The following C1QTNF7 variants were observed in gnomAD, a reference collection of about 807,000 sequenced individuals.
The protein encoded by C1QTNF7 is C1q and TNF related 7.
In C1QTNF7, 15 loss-of-function variants were observed where a neutral mutation model predicts 19.6. That is an observed-to-expected ratio of 0.76 (90% CI 0.51 to 1.18). The LOEUF (loss-of-function observed/expected upper bound fraction) is 1.18. Among genes scored for constraint, C1QTNF7 ranks in the 50% most tolerant of loss-of-function variants. C1QTNF7 has a pLI of 0.00. For missense variants in C1QTNF7, 324 were observed against 359.7 expected (o/e 0.90, Z 0.80); for synonymous variants, 142 against 137.5 (o/e 1.03, Z -0.23).
rs1244346833 is a variant in C1QTNF7, at chr4:15,393,173, C to T, written c.14-42563C>T. On this transcript the variant is annotated intron_variant, in intron 1 of 2. Transcript: ENST00000295297. ...CCCTCTTTTCTGTCTTGTCTGCCGCCATGTAAGACATGCCTTTTGCCTTCC... is the reference window on the plus strand; with the variant it reads ...CCCTCTTTTCTGTCTTGTCTGCCGCTATGTAAGACATGCCTTTTGCCTTCC... 5.3e-5 allele frequency among the ~76,000 whole-genome samples: 8 copies of T among 152,214 alleles called. No homozygotes were observed. In the East Asian group the frequency reaches 1.2e-3, roughly 22 times the overall value.
At chr4:15,355,557 G>A (rs1717113985) in intron 1 of C1QTNF7, among the ~76,000 whole-genome samples, 1 of 151,862 alleles carries the variant, frequency 6.6e-6, no homozygotes, top group Non-Finnish European at 1.5e-5. Context: ...CTTGCTAGTT[G>A]TGTATGTTCT....
At chr4:15,340,048 T>C (rs1440168513) in exon 1 of C1QTNF7, 10 of 974,268 alleles carry the variant, frequency 1.0e-5, no homozygotes, top group Middle Eastern at 2.1e-4. Flanking sequence ...GCACTTTATT[T>C]TTCATCAAGT....
chr4:15,388,816 C>T (rs1270239617), intron 1 of C1QTNF7, among the ~76,000 whole-genome samples: 3 of 152,192 alleles, frequency 2.0e-5, no homozygotes, highest in East Asian at 1.9e-4. Context: ...CTGAAATCTC[C>T]AAGAAATGAG....
At chr4:15,427,162 T>C (rs1225276034), upstream of C1QTNF7, among the ~76,000 whole-genome samples, 2 of 152,206 alleles carry the variant, frequency 1.3e-5, no homozygotes, top group Non-Finnish European at 2.9e-5. Flanking sequence ...AAGTGTGTGG[T>C]CAACATCCAC....
In C1QTNF7 at chr4:15,388,843, G is replaced by A. The variant is rs145155195; in HGVS notation, c.14-46893G>A. On this transcript the variant is annotated intron_variant, in intron 1 of 2. Transcript: ENST00000295297. Reference sequence around the variant, plus strand: ...AGAAATGAGGAAGGTGGTATAATTAGTAGATGGCATCATCCAGGAGGACTA... The same window carrying A: ...AGAAATGAGGAAGGTGGTATAATTAATAGATGGCATCATCCAGGAGGACTA... Among the ~76,000 whole-genome samples, 280 of 152,316 alleles carry A rather than the reference G, an allele frequency of 1.8e-3. 1 individual carries two copies. The highest frequency in any genetic ancestry group is 6.4e-3 in the African/African-American group (266 of 41,588).
Position 15,428,081 on chromosome 4 carries a change from G to T in C1QTNF7, c.-34G>T, listed in dbSNP as rs1712134166. 1.0e-6 allele frequency: 1 copy of T among 985,286 alleles called. No homozygotes were observed. The highest frequency in any genetic ancestry group is 1.2e-6 in the Non-Finnish European group (1 of 829,918). 61.0% of individuals were successfully genotyped at this position (985,286 alleles called of 1,614,324 possible). On this transcript the variant is annotated 5_prime_UTR_variant, in exon 1 of 3. Coordinates refer to ENST00000444304, the MANE Select transcript of C1QTNF7 (RefSeq NM_031911.5). Reference sequence around the variant, plus strand: ...CAGTCTCTTGTGGATTTAGAATCCTGCAGCAGCCCACCATCTAAGAGCAAG... The same window carrying T: ...CAGTCTCTTGTGGATTTAGAATCCTTCAGCAGCCCACCATCTAAGAGCAAG...
Position 15,435,819 on chromosome 4 carries a change from G to A in C1QTNF7, c.76G>A (p.Glu26Lys), listed in dbSNP as rs144739039. Residue 26 changes from glutamate to lysine, a missense_variant, in exon 2 of 3, where the codon GAG becomes AAG. Transcript: ENST00000444304. ...ACCCCGGGGTAATCAGTTGAAAGGA[G>A]AGAACTACTCCCCCAGGTATATCTG... ...GQPRGNQLKG[E>K]NYSPRYICSI... The A allele has an allele frequency of 2.5e-6, 4 of 1,614,116 alleles. No homozygotes were observed. Among genetic ancestry groups the A allele is most frequent in the South Asian group, 1.1e-5 (1 of 91,082 alleles).
At chr4:15,385,043 C>A (rs1327679359) in intron 1 of C1QTNF7, among the ~76,000 whole-genome samples, 3 of 152,226 alleles carry the variant, frequency 2.0e-5, no homozygotes, top group African/African-American at 7.2e-5. Context: ...CTCTCCTTCT[C>A]TTTCTCTCTT....
intron 2 of C1QTNF7, among the ~76,000 whole-genome samples, chr4:15,437,829 T>C (rs1031335694): frequency 1.3e-5 from 2 of 152,218 alleles, no homozygotes; most frequent in East Asian, 3.8e-4. Flanking sequence ...AGCATTCCAC[T>C]AGATGCTAGT....
intron 1 of C1QTNF7, among the ~76,000 whole-genome samples, chr4:15,360,923 T>A (rs1470023121): frequency 6.6e-6 from 1 of 152,200 alleles, no homozygotes; most frequent in Non-Finnish European, 1.5e-5. Flanking sequence ...AGTCAAGTCA[T>A]GTTAGGTAGG....
chr4:15,433,785 G>A (rs987866677), intron 1 of C1QTNF7, among the ~76,000 whole-genome samples: 1 of 152,172 alleles, frequency 6.6e-6, no homozygotes, highest in Non-Finnish European at 1.5e-5. Flanking sequence ...TCCCAGAAAG[G>A]TGGCCCCCTG....
At chr4:15,402,383 T>C (rs183112848) in intron 1 of C1QTNF7, among the ~76,000 whole-genome samples, 1 of 152,360 alleles carries the variant, frequency 6.6e-6, no homozygotes, top group Non-Finnish European at 1.5e-5. Context: ...TGATGAAATC[T>C]AGCATAGCAA....
chr4:15,374,644 A>G (rs779402618), intron 1 of C1QTNF7: 40 of 985,214 alleles, frequency 4.1e-5, no homozygotes, highest in Non-Finnish European at 4.8e-5. Context: ...TTACTTATCA[A>G]TCTGAAGCCC....
At chr4:15,434,799 C>A (rs1014866568) in intron 1 of C1QTNF7, among the ~76,000 whole-genome samples, 1 of 152,180 alleles carries the variant, frequency 6.6e-6, no homozygotes, top group Non-Finnish European at 1.5e-5. Flanking sequence ...TCACTTGGGG[C>A]ACAGGCACCA....
intron 1 of C1QTNF7, among the ~76,000 whole-genome samples, chr4:15,345,514 G>A (rs561809508): frequency 6.6e-6 from 1 of 152,130 alleles, no homozygotes; most frequent in East Asian, 1.9e-4. Context: ...ATACTCTTGG[G>A]CTTGGAATTT....
chr4:15,370,691 T>C (rs1460937163), intron 1 of C1QTNF7, among the ~76,000 whole-genome samples: 1 of 152,184 alleles, frequency 6.6e-6, no homozygotes, highest in Non-Finnish European at 1.5e-5. Context: ...ATAAAAGAAA[T>C]TTATAAATAG....
At chr4:15,343,311 AT>A (rs1304506082) in intron 1 of C1QTNF7, among the ~76,000 whole-genome samples, 1 of 152,252 alleles carries the variant, frequency 6.6e-6, no homozygotes, top group Non-Finnish European at 1.5e-5. Flanking sequence ...TCCTTTAAAC[AT>A]TAAATCAATG....
chr4:15,354,483 T>C (rs1717059315), intron 1 of C1QTNF7, among the ~76,000 whole-genome samples: 1 of 152,084 alleles, frequency 6.6e-6, no homozygotes, highest in African/African-American at 2.4e-5. Context: ...AAGTATCCCA[T>C]GACATCTGAG....
intron 1 of C1QTNF7, among the ~76,000 whole-genome samples, chr4:15,401,410 C>T (rs1718993629): frequency 6.6e-6 from 1 of 152,164 alleles, no homozygotes; most frequent in Middle Eastern, 3.2e-3. Flanking sequence ...CACAAACCTA[C>T]TGGGGCCTGG....
Sources: allele counts gnomAD v4.1 joint callset (sites outside exome capture counted in the v4.1 genomes callset), GRCh38; gene constraint gnomAD v4.1.1; transcripts MANE v1.5; gene names NCBI Gene and HGNC (gene_info 2026-07-23, HGNC 2026-07-21).